Variants in STIL observed in about 807,000 individuals in gnomAD.
The protein encoded by STIL is SCL-interrupting locus protein.
In STIL, 55 loss-of-function variants were observed where a neutral mutation model predicts 110.1. The observed-to-expected ratio is 0.50, with a 90% CI of 0.40 to 0.63. The LOEUF (loss-of-function observed/expected upper bound fraction) is 0.63. Ranked by LOEUF, STIL falls within the 20% of genes least tolerant of loss-of-function variation. The pLI, the probability that STIL is intolerant of heterozygous loss-of-function variation, is 0.00. For missense variants in STIL, 1,358 were observed against 1,530.0 expected (o/e 0.89, Z 1.87); for synonymous variants, 481 against 530.0 (o/e 0.91, Z 1.27).
chr1:47,295,791 C>T lies in STIL; in HGVS notation c.759G>A (p.Lys253=), dbSNP rs751417556. 11 of 1,612,526 alleles carry T rather than the reference C, an allele frequency of 6.8e-6. No individual in the cohort carries two copies. The East Asian group carries it at 1.8e-4, about 26-fold the overall frequency. ...TTCCCACCAATGGTAGAGAATAAACCTTGGGATCAGATTCCAACAAAAGTA... is the reference window on the plus strand; with the variant it reads ...TTCCCACCAATGGTAGAGAATAAACTTTGGGATCAGATTCCAACAAAAGTA... ...KLLLLLESDP[K]VYSLPLVGIW... The change falls in exon 7 of 17, where the codon AAG becomes AAA. Residue 253 remains lysine, a synonymous_variant. Transcript: ENST00000371877.
At chr1:47,305,071 C>G (rs1479591088) in intron 2 of STIL, 75 bp from the exon 3 acceptor site, 2 of 992,992 alleles carry the variant, frequency 2.0e-6, no homozygotes, top group Non-Finnish European at 3.2e-6. Context: ...AAACAACTAA[C>G]TATCTTTAAG....
intron 2 of STIL, chr1:47,305,208 C>T (rs559932970): frequency 2.2e-6 from 1 of 456,416 alleles, no homozygotes; most frequent in African/African-American, 2.0e-5. Flanking sequence ...TCACTGCAAC[C>T]TCTGCCTCCT....
At chr1:47,273,648 C>T (rs1644904684) in intron 12 of STIL, among the ~76,000 whole-genome samples, 1 of 152,182 alleles carries the variant, frequency 6.6e-6, no homozygotes. Flanking sequence ...AGGAATAATG[C>T]TACTTGGACA....
At chr1:47,299,866 A>C in intron 6 of STIL, 39 bp downstream of exon 6, 6 of 1,586,176 alleles carry the variant, frequency 3.8e-6, no homozygotes, top group Non-Finnish European at 5.2e-6. Flanking sequence ...AAAATATACT[A>C]ATGCAACTAA....
chr1:47,275,147 TCAACAACAA>T (rs35911281), intron 12 of STIL, among the ~76,000 whole-genome samples: 1 of 149,216 alleles, frequency 6.7e-6, no homozygotes, highest in South Asian at 2.1e-4. Context: ...CTCTGTCTCA[TCAACAACAA>T]CAACAACAAC....
chr1:47,301,331 T>C (rs146950254), intron 5 of STIL, among the ~76,000 whole-genome samples: 2 of 152,182 alleles, frequency 1.3e-5, no homozygotes, highest in East Asian at 3.9e-4. Flanking sequence ...CTACCCTAAG[T>C]ACATCTTGAA....
At chr1:47,286,329 C>CT (rs924179984) in intron 10 of STIL, among the ~76,000 whole-genome samples, 181 of 149,066 alleles carry the variant, frequency 1.2e-3, no homozygotes, top group Non-Finnish European at 1.3e-3. Flanking sequence ...ACTTCAATGG[C>CT]TTTTTTTTTT....
intron 14 of STIL, among the ~76,000 whole-genome samples, chr1:47,267,667 T>TAA (rs10713698): frequency 0.072 from 7,954 of 110,468 alleles, 395 homozygotes; most frequent in East Asian, 0.28. Context: ...AGCGAGTATC[T>TAA]AAAAAAAAAA....
chr1:47,276,548 C>T (rs958257404), intron 12 of STIL, among the ~76,000 whole-genome samples: 8 of 151,618 alleles, frequency 5.3e-5, no homozygotes, highest in African/African-American at 1.7e-4. Flanking sequence ...TGGCTCACAC[C>T]TGTAATCCTA....
Position 47,302,294 on chromosome 1 carries a change from C to T in STIL, c.205G>A (p.Ala69Thr), listed in dbSNP as rs746845648. 114 of 1,613,984 alleles carry T rather than the reference C, an allele frequency of 7.1e-5. No individual in the cohort carries two copies. The highest frequency in any genetic ancestry group is 9.3e-5 in the Non-Finnish European group (110 of 1,180,020). The change falls in exon 4 of 17, where the codon GCT (alanine) becomes ACT (threonine). Residue 69 changes from alanine (A) to threonine (T), a missense_variant. By Grantham distance (58) the Ala-to-Thr change is moderately conservative. Coordinates refer to ENST00000371877, the MANE Select transcript of STIL (RefSeq NM_001048166.1). The part of the protein sequence containing the change: ...EKTIRLAYRH[A>T]KQNKKNSSCF... ...GACGAATTTTTTTTATTCTGCTTAG[C>T]ATGACGATAAGCAAGTCGGATGGTC... is the stretch of plus-strand genomic sequence containing the variant.
Position 47,260,497 on chromosome 1 carries a change from C to T in STIL, c.2872G>A (p.Glu958Lys). The T allele has an allele frequency of 6.2e-7, 1 of 1,614,154 alleles. No individual in the cohort carries two copies. Among genetic ancestry groups the T allele is most frequent in the Non-Finnish European group, 8.5e-7 (1 of 1,180,040 alleles). The stretch of plus-strand genomic sequence containing the variant: ...ATTACTGCTTTGGTAGACGGCTGCT[C>T]AGTTTCCTTGGAGGAACTATTTAAT... ...HLLNSSSKETEQPSTKAVIIS... is the reference protein window; with the variant it reads ...HLLNSSSKETKQPSTKAVIIS... The change falls in exon 16 of 17, where the codon GAG becomes AAG. Residue 958 changes from glutamate to lysine, a missense_variant. Coordinates refer to ENST00000371877, the MANE Select transcript of STIL (RefSeq NM_001048166.1).
intron 12 of STIL, among the ~76,000 whole-genome samples, chr1:47,275,344 C>T (rs988887958): frequency 6.6e-6 from 1 of 151,588 alleles, no homozygotes; most frequent in Non-Finnish European, 1.5e-5. Flanking sequence ...CGCGGTGGCT[C>T]ACTCCTGTAA....
chr1:47,310,836 G>A (rs1401565373), intron 1 of STIL, among the ~76,000 whole-genome samples: 1 of 152,122 alleles, frequency 6.6e-6, no homozygotes, highest in Admixed American at 6.6e-5. Flanking sequence ...AAACTGACTT[G>A]TGTCAGTGAA....
At chr1:47,297,080 A>C (rs868598640) in intron 6 of STIL, among the ~76,000 whole-genome samples, 23 of 152,200 alleles carry the variant, frequency 1.5e-4, no homozygotes, top group African/African-American at 4.6e-4. Flanking sequence ...CCAGTGGCTC[A>C]TGCCTGTAAT....
Position 47,287,997 on chromosome 1 carries a change from T to C in STIL, c.1024-337A>G, listed in dbSNP as rs115841723. On this transcript the variant is annotated intron_variant, in intron 9 of 16. Transcript: ENST00000371877. ...TATAGCTTACATAACCTATAAAATA[T>C]AAAATGTATATAATATATAATATAA... is the stretch of plus-strand genomic sequence containing the variant. Among the ~76,000 whole-genome samples the C allele has an allele frequency of 0.017, 2,528 of 148,398 alleles. 68 individuals are homozygous for C. The highest frequency in any genetic ancestry group is 0.058 in the African/African-American group (2,387 of 40,840).
intron 10 of STIL, among the ~76,000 whole-genome samples, chr1:47,286,963 T>C (rs149648316): frequency 0.1 from 15,222 of 152,196 alleles, 1,064 homozygotes; most frequent in Non-Finnish European, 0.15. Context: ...CCTCAAGTGA[T>C]CTGCTCGCCT....
At chr1:47,286,770 G>A (rs1188704641) in intron 10 of STIL, among the ~76,000 whole-genome samples, 1 of 152,176 alleles carries the variant, frequency 6.6e-6, no homozygotes, top group African/African-American at 2.4e-5. Flanking sequence ...TAGAATTCTA[G>A]TGATTAATGT....
chr1:47,262,689 G>A (rs1021570739), intron 15 of STIL, among the ~76,000 whole-genome samples: 4 of 152,044 alleles, frequency 2.6e-5, no homozygotes, highest in African/African-American at 9.7e-5. Context: ...TAAAAATAAA[G>A]CTGTGTTTTT....
chr1:47,311,535 C>A (rs1378247185), intron 1 of STIL, among the ~76,000 whole-genome samples: 1 of 152,018 alleles, frequency 6.6e-6, no homozygotes, highest in Non-Finnish European at 1.5e-5. Context: ...AATCCATCAG[C>A]CTTTGCCTCA....
Sources: allele counts gnomAD v4.1 joint callset (sites outside exome capture counted in the v4.1 genomes callset), GRCh38; gene constraint gnomAD v4.1.1; transcripts MANE v1.5; gene names NCBI Gene and HGNC (gene_info 2026-07-23, HGNC 2026-07-21).